SLX4IP: variants seen among roughly 807,000 people sequenced by gnomAD.
The protein encoded by SLX4IP is protein SLX4IP.
In SLX4IP, 34 loss-of-function variants were observed where a neutral mutation model predicts 32.9. The ratio of observed to expected loss-of-function variants is 1.03; its 90% CI spans 0.79 to 1.38. The LOEUF (loss-of-function observed/expected upper bound fraction) is 1.38, where lower values mean the gene tolerates loss of function less well. Ranked by LOEUF, SLX4IP falls within the 40% of genes most tolerant of loss-of-function variation. The pLI is 0.00. For synonymous variants in SLX4IP, 172 were observed against 171.7 expected (o/e 1.00, Z -0.01); for missense variants, 444 against 479.0 (o/e 0.93, Z 0.68).
intron 2 of SLX4IP, among the ~76,000 whole-genome samples, chr20:10,464,296 A>G (rs1328142237): frequency 6.6e-6 from 1 of 152,184 alleles, no homozygotes; most frequent in Non-Finnish European, 1.5e-5. Flanking sequence ...AGCTGGGACT[A>G]CAGATGTGCA....
chr20:10,518,461 T>C (rs2065872601), intron 2 of SLX4IP, among the ~76,000 whole-genome samples: 1 of 42,198 alleles, frequency 2.4e-5, no homozygotes, highest in Non-Finnish European at 6.6e-5. Flanking sequence ...CTTCCTTCCT[T>C]CCTTTCCTTT....
chr20:10,570,783 C>A (rs1325672199), intron 4 of SLX4IP, among the ~76,000 whole-genome samples: 2 of 152,134 alleles, frequency 1.3e-5, no homozygotes, highest in African/African-American at 4.8e-5. Flanking sequence ...CCCGCCTTGG[C>A]CTTCCAAAGT....
intron 2 of SLX4IP, among the ~76,000 whole-genome samples, chr20:10,550,584 GC>G (rs1434315343): frequency 6.6e-6 from 1 of 151,928 alleles, no homozygotes; most frequent in Non-Finnish European, 1.5e-5. Context: ...ATTTCCCCTT[GC>G]CCGCCCATGC....
At chr20:10,612,786 C>T (rs1156253478) in intron 6 of SLX4IP, 3 of 152,710 alleles carry the variant, frequency 2.0e-5, no homozygotes, top group South Asian at 2.1e-4. Flanking sequence ...CTGATCCACC[C>T]GCATGGGCCT....
intron 2 of SLX4IP, among the ~76,000 whole-genome samples, chr20:10,519,878 A>G (rs1422073321): frequency 1.3e-5 from 2 of 152,148 alleles, no homozygotes; most frequent in South Asian, 2.1e-4. Context: ...AACACTTGCT[A>G]TCGTCTGTCT....
chr20:10,570,583 C>CA (rs1357612302), intron 4 of SLX4IP, among the ~76,000 whole-genome samples: 1 of 151,546 alleles, frequency 6.6e-6, no homozygotes, highest in African/African-American at 2.4e-5. Flanking sequence ...GGCTGGAGTG[C>CA]AGTGGTACGA....
intron 2 of SLX4IP, among the ~76,000 whole-genome samples, chr20:10,473,590 T>G (rs2065445340): frequency 1.4e-5 from 2 of 137,980 alleles, no homozygotes; most frequent in South Asian, 5.1e-4. Flanking sequence ...TTCTTAAAAC[T>G]GCCAGAGTTC....
chr20:10,556,369 TAAGA>T, intron 3 of SLX4IP, 49 bp downstream of exon 3: 5 of 1,530,444 alleles, frequency 3.3e-6, no homozygotes, highest in Non-Finnish European at 4.5e-6. Flanking sequence ...GCTGCTGCTA[TAAGA>T]AATATCAGCT....
chr20:10,503,267 C>T (rs2065734052), intron 2 of SLX4IP, among the ~76,000 whole-genome samples: 2 of 152,172 alleles, frequency 1.3e-5, no homozygotes, highest in South Asian at 4.1e-4. Context: ...CAGAGGTCTA[C>T]AGGGTTAAAC....
intron 5 of SLX4IP, among the ~76,000 whole-genome samples, chr20:10,600,383 G>A (rs1408640986): frequency 6.6e-6 from 1 of 152,144 alleles, no homozygotes; most frequent in Non-Finnish European, 1.5e-5. Context: ...GGGCACTGGG[G>A]AGCCATGGTA....
chr20:10,556,174 C>T, intron 2 of SLX4IP, 57 bp from the exon 3 acceptor site: 1 of 1,497,598 alleles, frequency 6.7e-7, no homozygotes, highest in Non-Finnish European at 9.1e-7. Flanking sequence ...GATTTTCTCT[C>T]ATTGTTTGCT....
intron 5 of SLX4IP, 38 bp from the exon 6 acceptor site, chr20:10,601,693 T>C (rs1258437129): frequency 6.4e-7 from 1 of 1,562,752 alleles, no homozygotes; most frequent in South Asian, 1.1e-5. Flanking sequence ...TTATAGTTTT[T>C]TGACACCTTT....
chr20:10,551,401 T>C (rs925256058), intron 2 of SLX4IP, among the ~76,000 whole-genome samples: 2 of 152,246 alleles, frequency 1.3e-5, no homozygotes, highest in African/African-American at 4.8e-5. Flanking sequence ...GCTTGGTCCC[T>C]GGAAAGGGCT....
At chr20:10,532,645 G>C (rs1013784413) in intron 2 of SLX4IP, among the ~76,000 whole-genome samples, 1 of 152,104 alleles carries the variant, frequency 6.6e-6, no homozygotes, top group Non-Finnish European at 1.5e-5. Context: ...GTCTTAAATA[G>C]GGGTTCGTAT....
chr20:10,461,166 G>A (rs2122347732), intron 2 of SLX4IP, among the ~76,000 whole-genome samples: 1 of 152,352 alleles, frequency 6.6e-6, no homozygotes, highest in South Asian at 2.1e-4. Context: ...TGTCTGCTCA[G>A]AAAAGGGCTG....
chr20:10,487,649 T>C (rs1394687885), intron 2 of SLX4IP, among the ~76,000 whole-genome samples: 3 of 152,096 alleles, frequency 2.0e-5, no homozygotes, highest in Non-Finnish European at 4.4e-5. Context: ...CTGAGACCTG[T>C]TGGGAATCTG....
intron 4 of SLX4IP, among the ~76,000 whole-genome samples, chr20:10,573,533 A>C (rs1203987337): frequency 6.6e-6 from 1 of 152,318 alleles, no homozygotes; most frequent in East Asian, 1.9e-4. Flanking sequence ...TAGGAATGGA[A>C]CTGTACCGCA....
chr20:10,465,478 A>G (rs1237675497), intron 2 of SLX4IP, among the ~76,000 whole-genome samples: 1 of 152,184 alleles, frequency 6.6e-6, no homozygotes, highest in African/African-American at 2.4e-5. Context: ...TATGTATAGA[A>G]TATGTATACA....
intron 2 of SLX4IP, among the ~76,000 whole-genome samples, chr20:10,488,841 T>C (rs1600922981): frequency 6.6e-6 from 1 of 152,208 alleles, no homozygotes; most frequent in East Asian, 1.9e-4. Flanking sequence ...AGCTGAAATA[T>C]TGGGCAAGGC....
Sources: gnomAD v4.1 joint callset for allele counts (sites outside exome capture counted in the v4.1 genomes callset) on GRCh38, gnomAD v4.1.1 for gene constraint, MANE v1.5 for transcripts, NCBI Gene and HGNC (gene_info 2026-07-23, HGNC 2026-07-21) for gene names.